FRAS1: variants seen among roughly 807,000 people sequenced by gnomAD.
The protein encoded by FRAS1 is extracellular matrix organizing protein FRAS1.
A neutral mutation model predicts 435.2 loss-of-function variants in FRAS1; 290 were observed. The ratio of observed to expected loss-of-function variants is 0.67; its 90% CI spans 0.61 to 0.73. The LOEUF (loss-of-function observed/expected upper bound fraction) is 0.73, where lower values mean the gene tolerates loss of function less well. FRAS1 is among the 30% of genes least tolerant of loss of function. The probability of loss-of-function intolerance (pLI) is 0.00; values close to 1 mark genes in which losing one functional copy is unlikely to be tolerated. For synonymous variants in FRAS1, 1,800 were observed against 1,851.0 expected (o/e 0.97, Z 0.71); for missense variants, 4,860 against 5,001.5 (o/e 0.97, Z 0.85).
At chr4:78,286,750 G>A (rs906989828) in intron 14 of FRAS1, among the ~76,000 whole-genome samples, 3 of 152,136 alleles carry the variant, frequency 2.0e-5, no homozygotes, top group African/African-American at 7.2e-5. Context: ...AGGTTATTCG[G>A]TTCTTATCAA....
intron 2 of FRAS1, among the ~76,000 whole-genome samples, chr4:78,190,995 G>A (rs1722507649): frequency 6.6e-6 from 1 of 152,170 alleles, no homozygotes; most frequent in African/African-American, 2.4e-5. Context: ...AGAGAGACCA[G>A]AGCTCACTTG....
At chr4:78,415,321 T>TA (rs1367994644) in intron 32 of FRAS1, among the ~76,000 whole-genome samples, 4 of 152,134 alleles carry the variant, frequency 2.6e-5, no homozygotes, top group African/African-American at 9.7e-5. Flanking sequence ...CTAAGGAACT[T>TA]ACTCATGTAA....
chr4:78,408,835 C>T (rs1733205011), intron 31 of FRAS1, among the ~76,000 whole-genome samples: 1 of 152,090 alleles, frequency 6.6e-6, no homozygotes. Flanking sequence ...AAGAAGTATA[C>T]TGCATAGGCT....
Position 78,087,813 on chromosome 4 carries a change from G to T in FRAS1, c.108+21797G>T, listed in dbSNP as rs562864372. ...ATGGAAGAACATTCCATGCTCATGG[G>T]TAGGAAGAATCAATATTGTGAAAAT... On this transcript the variant is annotated intron_variant, in intron 2 of 73. Transcript: ENST00000512123. 5.3e-5 allele frequency among the ~76,000 whole-genome samples: 8 copies of T among 152,194 alleles called. No homozygotes were observed. In the South Asian group the frequency reaches 1.2e-3, roughly 24 times the overall value.
chr4:78,118,428 G>A (rs1464620048), intron 2 of FRAS1, among the ~76,000 whole-genome samples: 1 of 152,204 alleles, frequency 6.6e-6, no homozygotes, highest in Non-Finnish European at 1.5e-5. Context: ...CCTGCCCCCA[G>A]AGGTGGAGTC....
intron 2 of FRAS1, among the ~76,000 whole-genome samples, chr4:78,089,768 A>G (rs1332320198): frequency 6.6e-6 from 1 of 152,058 alleles, no homozygotes; most frequent in Non-Finnish European, 1.5e-5. Flanking sequence ...TTTAACTTTT[A>G]TTTTAGGTTC....
chr4:78,147,404 A>C (rs1361461794), intron 2 of FRAS1, among the ~76,000 whole-genome samples: 8 of 152,168 alleles, frequency 5.3e-5, no homozygotes, highest in Non-Finnish European at 1.5e-5. Flanking sequence ...ACTTGGCTTT[A>C]ATTCTAGCTT....
intron 2 of FRAS1, among the ~76,000 whole-genome samples, chr4:78,086,193 T>C (rs1188963667): frequency 6.6e-6 from 1 of 152,034 alleles, no homozygotes; most frequent in Non-Finnish European, 1.5e-5. Flanking sequence ...CATAACGAAA[T>C]GAAGGCAGAA....
At chr4:78,498,616 G>A (rs1006034720) in intron 60 of FRAS1, among the ~76,000 whole-genome samples, 1 of 151,978 alleles carries the variant, frequency 6.6e-6, no homozygotes, top group Non-Finnish European at 1.5e-5. Flanking sequence ...ATCTTCTACA[G>A]TTAGGAAGAT....
chr4:78,328,561 G>T (rs1282496080), intron 18 of FRAS1, among the ~76,000 whole-genome samples: 2 of 152,084 alleles, frequency 1.3e-5, no homozygotes, highest in Admixed American at 1.3e-4. Context: ...CTTAAATAAG[G>T]TGCTAAAGTA....
intron 41 of FRAS1, among the ~76,000 whole-genome samples, chr4:78,442,327 A>C (rs898245758): frequency 5.3e-5 from 8 of 152,286 alleles, no homozygotes; most frequent in Admixed American, 1.3e-4. Flanking sequence ...AGGAAGACTG[A>C]CAAATTACAA....
At chr4:78,218,468 G>A (rs1723900131) in intron 2 of FRAS1, among the ~76,000 whole-genome samples, 1 of 152,180 alleles carries the variant, frequency 6.6e-6, no homozygotes, top group African/African-American at 2.4e-5. Flanking sequence ...GCATCACCAA[G>A]CCAGGAGTGG....
intron 35 of FRAS1, among the ~76,000 whole-genome samples, chr4:78,427,700 A>T (rs75155877): frequency 6.6e-6 from 1 of 152,228 alleles, no homozygotes; most frequent in Admixed American, 6.5e-5. Context: ...TAAAACCTTC[A>T]TTCTCACATG....
chr4:78,540,676 TTGA>T lies in FRAS1; in HGVS notation c.11596_11598del (p.Asp3866del). The stretch of plus-strand genomic sequence containing the variant: ...GTAGAGCCCGATGGCCAGCTGATCC[TTGA>T]TGATTCCCTCATCTATGACAATGAA... On this transcript the variant is annotated inframe_deletion, in exon 74 of 74. Coordinates refer to ENST00000512123, the MANE Select transcript of FRAS1 (RefSeq NM_025074.7). 1 of 1,613,624 alleles carries T rather than the reference TTGA, an allele frequency of 6.2e-7. No homozygotes were observed. Among genetic ancestry groups the T allele is most frequent in the Non-Finnish European group, 8.5e-7 (1 of 1,179,654 alleles).
intron 2 of FRAS1, among the ~76,000 whole-genome samples, chr4:78,229,913 GC>G (rs2110106501): frequency 6.6e-6 from 1 of 152,256 alleles, no homozygotes; most frequent in African/African-American, 2.4e-5. Flanking sequence ...GCACTTGGAG[GC>G]AGCTTGTCCC....
chr4:78,305,409 G>C lies in FRAS1; in HGVS notation c.1535-2657G>C, dbSNP rs536277649. On this transcript the variant is annotated intron_variant, in intron 14 of 73. Transcript: ENST00000512123. ...GGTGCAGAGCTGAGTTCAATTCCTG[G>C]GTATCCTTGTTGACTTTCTGTCTCG... Among the ~76,000 whole-genome samples the C allele has an allele frequency of 1.6e-3, 241 of 149,992 alleles. 2 individuals are homozygous for C. The highest frequency in any genetic ancestry group is 5.7e-3 in the African/African-American group (232 of 40,788).
At chr4:78,177,256 A>G (rs1254599935) in intron 2 of FRAS1, among the ~76,000 whole-genome samples, 1 of 152,206 alleles carries the variant, frequency 6.6e-6, no homozygotes, top group Non-Finnish European at 1.5e-5. Flanking sequence ...ATGGCTTGAA[A>G]TATAGTTGAG....
intron 49 of FRAS1, 106 bp from the exon 50 acceptor site, chr4:78,466,102 C>A: frequency 1.3e-6 from 1 of 792,450 alleles, no homozygotes; most frequent in Non-Finnish European, 2.1e-6. Flanking sequence ...CTTACTTTAT[C>A]AATGTCTTTG....
At position 78,498,612 on chromosome 4, in the gene FRAS1, TAC is replaced by T. The variant is rs552403675; in HGVS notation, c.9116-1107_9116-1106del. 3.3e-5 allele frequency among the ~76,000 whole-genome samples: 5 copies of T among 152,156 alleles called. No individual in the cohort carries two copies. In the East Asian group the frequency reaches 9.6e-4, roughly 29 times the overall value. On this transcript the variant is annotated intron_variant, in intron 60 of 73. Transcript: ENST00000512123. ...AAAACCTCAAATGAGGCTTATCTTC[TAC>T]AGTTAGGAAGATTTGACTTTCTGAG...
Sources: gnomAD v4.1 joint callset for allele counts (sites outside exome capture counted in the v4.1 genomes callset) on GRCh38, gnomAD v4.1.1 for gene constraint, MANE v1.5 for transcripts, NCBI Gene and HGNC (gene_info 2026-07-23, HGNC 2026-07-21) for gene names.